FGF12: variants seen among roughly 807,000 people sequenced by gnomAD.
FGF12 encodes the protein fibroblast growth factor 12.
Under a neutral mutation model 23.6 loss-of-function variants are expected in FGF12, and 14 were observed. The observed-to-expected ratio is 0.59, with a 90% CI of 0.39 to 0.93. FGF12 has a LOEUF of 0.93. Ranked by LOEUF, FGF12 falls within the 40% of genes least tolerant of loss-of-function variation. The probability of loss-of-function intolerance (pLI) is 0.00; values close to 1 mark genes in which losing one functional copy is unlikely to be tolerated. For synonymous variants in FGF12, 62 were observed against 77.3 expected (o/e 0.80, Z 1.04); for missense variants, 175 against 217.8 (o/e 0.80, Z 1.24).
chr3:192,471,889 TA>T (rs2108813986), intron 2 of FGF12, among the ~76,000 whole-genome samples: 2 of 152,360 alleles, frequency 1.3e-5, no homozygotes, highest in East Asian at 3.9e-4. Context: ...ATATTTATTC[TA>T]AAAACTCAAC....
chr3:192,248,651 G>A (rs948533595), intron 4 of FGF12, among the ~76,000 whole-genome samples: 11 of 152,098 alleles, frequency 7.2e-5, no homozygotes, highest in African/African-American at 2.2e-4. Context: ...GATGGTACAC[G>A]CCTGTGGTCC....
chr3:192,437,365 C>T (rs892980384), intron 2 of FGF12, among the ~76,000 whole-genome samples: 3 of 152,074 alleles, frequency 2.0e-5, no homozygotes, highest in Admixed American at 2.0e-4. Flanking sequence ...GCCTTTTAGC[C>T]AGAAGGTTTA....
intron 2 of FGF12, among the ~76,000 whole-genome samples, chr3:192,694,383 C>A (rs1718041844): frequency 6.6e-6 from 1 of 152,114 alleles, no homozygotes; most frequent in South Asian, 2.1e-4. Flanking sequence ...CCAGCAATCC[C>A]TCTTCTGGGT....
chr3:192,627,017 ACTG>A (rs770317686), intron 2 of FGF12, among the ~76,000 whole-genome samples: 19 of 152,160 alleles, frequency 1.2e-4, no homozygotes, highest in Non-Finnish European at 2.2e-4. Context: ...ACCAAATACA[ACTG>A]CTATTTATTA....
At position 192,409,140 on chromosome 3, in the gene FGF12, G is replaced by A. The variant is rs990172371; in HGVS notation, c.14-48602C>T. 9 of 259,988 alleles carry A rather than the reference G, an allele frequency of 3.5e-5. No homozygotes were observed. The highest frequency in any genetic ancestry group is 1.8e-4 in the African/African-American group (8 of 43,420). The allele number at this position is 259,988 out of a possible 1,614,324, so 16.1% of individuals were successfully genotyped here. ...AAGCACCCCTCGGGGAGAAACCAGC[G>A]AGAGGCGATCTGCGGGGTCCCAAGA... On this transcript the variant is annotated intron_variant, in intron 2 of 5. Coordinates refer to ENST00000445105, the MANE Select transcript of FGF12 (RefSeq NM_004113.6). This position sits in a 1 kb window ranked among gnomAD's most constrained non-coding sequence, Gnocchi z 4.8.
In FGF12 at chr3:192,526,686, C is replaced by T. The variant is rs780514035; in HGVS notation, c.14-166148G>A. Among the ~76,000 whole-genome samples, 9 of 152,262 alleles carry T rather than the reference C, an allele frequency of 5.9e-5. No homozygotes were observed. The South Asian group carries it at 8.3e-4, about 14-fold the overall frequency. On this transcript the variant is annotated intron_variant, in intron 2 of 5. Coordinates refer to ENST00000445105, the MANE Select transcript of FGF12 (RefSeq NM_004113.6). ...CGCAATATACAGATGCTACTCAAAA[C>T]ATAGGAAATGGTCAATAAATATCTG...
chr3:192,148,453 G>T (rs1181475728), intron 5 of FGF12, among the ~76,000 whole-genome samples: 1 of 152,188 alleles, frequency 6.6e-6, no homozygotes. Flanking sequence ...GGCTGGGGAA[G>T]AATGGGGATT....
At chr3:192,327,116 T>C (rs1716859528) in intron 4 of FGF12, among the ~76,000 whole-genome samples, 2 of 152,160 alleles carry the variant, frequency 1.3e-5, no homozygotes, top group Non-Finnish European at 2.9e-5. Flanking sequence ...GTCAAGCACC[T>C]CACTAAGCCT....
chr3:192,315,277 G>T (rs1036109143), intron 4 of FGF12, among the ~76,000 whole-genome samples: 2 of 152,070 alleles, frequency 1.3e-5, no homozygotes, highest in Non-Finnish European at 2.9e-5. Flanking sequence ...TGTTGTTGTT[G>T]TTTTATGTCT....
At chr3:192,271,549 C>A (rs1367964705) in intron 4 of FGF12, among the ~76,000 whole-genome samples, 2 of 152,200 alleles carry the variant, frequency 1.3e-5, no homozygotes, top group African/African-American at 2.4e-5. Flanking sequence ...CCATTTCCCA[C>A]CTACCTGCCT....
intron 4 of FGF12, chr3:192,268,797 AT>A (rs1310767079): frequency 3.0e-6 from 1 of 332,520 alleles, no homozygotes; most frequent in Non-Finnish European, 6.1e-6. Context: ...AGTCTCAAGT[AT>A]TTCTTTATAG....
Position 192,514,570 on chromosome 3 carries a change from G to T in FGF12, c.14-154032C>A. 1 of 484,890 alleles carries T rather than the reference G, an allele frequency of 2.1e-6. No individual in the cohort carries two copies. Among genetic ancestry groups the T allele is most frequent in the Non-Finnish European group, 2.7e-6 (1 of 372,524 alleles). The allele number at this position is 484,890 out of a possible 1,614,324, so 30.0% of individuals were successfully genotyped here. ...ACGCCTTCCCTCCGCCACAGGCAGC[G>T]CTGAATGAAGCAGAGGAGGGCGGCG... On this transcript the variant is annotated intron_variant, in intron 2 of 5. Coordinates refer to ENST00000445105, the MANE Select transcript of FGF12 (RefSeq NM_004113.6). This position sits in a 1 kb window ranked among gnomAD's most constrained non-coding sequence, Gnocchi z 4.9.
chr3:192,726,607 C>T (rs986147378), intron 2 of FGF12, among the ~76,000 whole-genome samples: 3 of 152,152 alleles, frequency 2.0e-5, no homozygotes, highest in African/African-American at 7.2e-5. Context: ...CCAAGCAGTA[C>T]TCCCATACAC....
At chr3:192,337,380 C>T (rs1717471129) in intron 3 of FGF12, among the ~76,000 whole-genome samples, 1 of 151,868 alleles carries the variant, frequency 6.6e-6, no homozygotes, top group Non-Finnish European at 1.5e-5. Context: ...GGTGGTTTTG[C>T]AGAGTAATGT....
At chr3:192,279,384 G>T (rs1714009450) in intron 4 of FGF12, among the ~76,000 whole-genome samples, 1 of 152,046 alleles carries the variant, frequency 6.6e-6, no homozygotes, top group African/African-American at 2.4e-5. Context: ...TAGCTTGCTT[G>T]AATTGAATGA....
At chr3:192,531,006 CT>C (rs937428073) in intron 2 of FGF12, among the ~76,000 whole-genome samples, 1 of 151,932 alleles carries the variant, frequency 6.6e-6, no homozygotes, top group African/African-American at 2.4e-5. Context: ...GTAGAGATAG[CT>C]TTTCACCATG....
chr3:192,623,250 G>C (rs769871785), intron 2 of FGF12, among the ~76,000 whole-genome samples: 5 of 152,144 alleles, frequency 3.3e-5, no homozygotes, highest in East Asian at 1.9e-4. Flanking sequence ...GAGCACAGAG[G>C]GGGGTATCAT....
chr3:192,655,874 G>C (rs890599117), intron 2 of FGF12, among the ~76,000 whole-genome samples: 1 of 152,086 alleles, frequency 6.6e-6, no homozygotes, highest in South Asian at 2.1e-4. Context: ...GGAATGGGAA[G>C]AGGTGAACAC....
At chr3:192,593,601 T>C (rs768419951) in intron 2 of FGF12, among the ~76,000 whole-genome samples, 4 of 151,988 alleles carry the variant, frequency 2.6e-5, no homozygotes, top group Non-Finnish European at 4.4e-5. Context: ...AATTGGGAGT[T>C]CACCAAACTT....
Sources: allele counts gnomAD v4.1 joint callset (sites outside exome capture counted in the v4.1 genomes callset), GRCh38; gene constraint gnomAD v4.1.1; non-coding constraint Gnocchi (gnomAD v3.1); transcripts MANE v1.5; gene names NCBI Gene and HGNC (gene_info 2026-07-23, HGNC 2026-07-21).